Variants in ADTRP observed in about 807,000 individuals in gnomAD.
ADTRP encodes androgen dependent TFPI regulating protein, also known as androgen-dependent TFPI-regulating protein.
A neutral mutation model predicts 27.0 loss-of-function variants in ADTRP; 20 were observed. The ratio of observed to expected loss-of-function variants is 0.74; its 90% CI spans 0.52 to 1.08. The LOEUF (loss-of-function observed/expected upper bound fraction) is 1.08. Among genes scored for constraint, ADTRP ranks in the 50% least tolerant of loss-of-function variants. ADTRP has a pLI of 0.00. For missense variants in ADTRP, 251 were observed against 275.0 expected (o/e 0.91, Z 0.62); for synonymous variants, 101 against 105.2 (o/e 0.96, Z 0.25).
intron 3 of ADTRP, among the ~76,000 whole-genome samples, chr6:11,744,651 A>G (rs186062056): frequency 4.4e-4 from 67 of 152,220 alleles, no homozygotes; most frequent in Non-Finnish European, 7.2e-4. Context: ...CTCTTCATCA[A>G]TCTGTAATTC....
chr6:11,771,192 T>C (rs1763766411), intron 1 of ADTRP, among the ~76,000 whole-genome samples: 1 of 152,092 alleles, frequency 6.6e-6, no homozygotes, highest in Non-Finnish European at 1.5e-5. Context: ...GTCAATCCCC[T>C]CTCCCTCTCC....
intron 1 of ADTRP, among the ~76,000 whole-genome samples, chr6:11,771,465 C>T (rs1204320881): frequency 6.6e-6 from 1 of 152,228 alleles, no homozygotes; most frequent in Non-Finnish European, 1.5e-5. Context: ...GAGAGAGCCT[C>T]TCCCAGGCTC....
At chr6:11,767,901 G>A (rs530359303) in intron 2 of ADTRP, 9 of 200,856 alleles carry the variant, frequency 4.5e-5, no homozygotes, top group East Asian at 2.3e-4. Flanking sequence ...GGGAAAATTC[G>A]TCATCTCCCT....
intron 3 of ADTRP, among the ~76,000 whole-genome samples, chr6:11,765,208 T>C (rs1208717849): frequency 3.9e-5 from 6 of 152,016 alleles, no homozygotes; most frequent in African/African-American, 1.5e-4. Context: ...GAGTTGGTCA[T>C]CTTGTGAGTT....
chr6:11,762,099 C>G (rs552829097), intron 3 of ADTRP, among the ~76,000 whole-genome samples: 2 of 152,332 alleles, frequency 1.3e-5, no homozygotes, highest in South Asian at 4.1e-4. Context: ...ATCTTGCATG[C>G]TATGACTGAG....
Position 11,749,736 on chromosome 6 carries a change from A to G in ADTRP, c.391-14053T>C, listed in dbSNP as rs561023239. On this transcript the variant is annotated intron_variant, in intron 3 of 5. Coordinates refer to ENST00000414691, the MANE Select transcript of ADTRP (RefSeq NM_032744.4). Reference sequence around the variant, plus strand: ...GTGCCCAGAATTTGGTAACATGGAGATAATTGGTGACTAGAATATGATGAA... The same window carrying G: ...GTGCCCAGAATTTGGTAACATGGAGGTAATTGGTGACTAGAATATGATGAA... 9.8e-4 allele frequency among the ~76,000 whole-genome samples: 149 copies of G among 152,294 alleles called. 1 individual carries two copies. The highest frequency in any genetic ancestry group is 3.4e-3 in the African/African-American group (143 of 41,574).
chr6:11,768,319 C>T lies in ADTRP; in HGVS notation c.218G>A (p.Gly73Glu), dbSNP rs1468624213. The change falls in exon 2 of 6, where the codon GGA becomes GAA. Residue 73 changes from glycine to glutamate, a missense_variant. Coordinates refer to ENST00000414691, the MANE Select transcript of ADTRP (RefSeq NM_032744.4). ...GGCAGTTAGGAACTTAATGTCTTTT[C>T]CCCCTTTGGTTCTTTTCAGCACATC... ...LDDVLKRTKG[G>E]KDIKFLTAFR... 1 of 1,614,198 alleles carries T rather than the reference C, an allele frequency of 6.2e-7. No individual in the cohort carries two copies. Among genetic ancestry groups the T allele is most frequent in the Non-Finnish European group, 8.5e-7 (1 of 1,180,018 alleles).
chr6:11,724,425 C>G (rs745465061), intron 4 of ADTRP, among the ~76,000 whole-genome samples: 1 of 152,068 alleles, frequency 6.6e-6, no homozygotes, highest in Admixed American at 6.6e-5. Flanking sequence ...TGCAGGGAGG[C>G]TCAGATCTTG....
At chr6:11,748,881 G>A (rs1762951111) in intron 3 of ADTRP, among the ~76,000 whole-genome samples, 1 of 152,230 alleles carries the variant, frequency 6.6e-6, no homozygotes, top group South Asian at 2.1e-4. Flanking sequence ...ATCTGTGTCT[G>A]CAGCATTAAG....
intron 3 of ADTRP, among the ~76,000 whole-genome samples, chr6:11,762,547 G>A (rs978208518): frequency 6.6e-6 from 1 of 152,162 alleles, no homozygotes; most frequent in Non-Finnish European, 1.5e-5. Flanking sequence ...GGAAGGTCCT[G>A]TCTCTCAATA....
intron 1 of ADTRP, among the ~76,000 whole-genome samples, chr6:11,777,487 T>TTTG (rs35676270): frequency 0.79 from 120,012 of 151,586 alleles, 48,052 homozygotes; most frequent in Non-Finnish European, 0.85. Flanking sequence ...TGTGTGGTTT[T>TTTG]TTGTTGTTGT....
intron 5 of ADTRP, chr6:11,717,269 A>T (rs574995785): frequency 9.2e-6 from 12 of 1,301,372 alleles, no homozygotes; most frequent in Admixed American, 2.3e-5. Flanking sequence ...GTCAGATAGT[A>T]GCAAGGGCTA....
At chr6:11,772,251 C>T (rs1182836484) in intron 1 of ADTRP, among the ~76,000 whole-genome samples, 2 of 152,202 alleles carry the variant, frequency 1.3e-5, no homozygotes, top group African/African-American at 2.4e-5. Context: ...CTTCTGAGTT[C>T]GTTAGCTGTC....
intron 1 of ADTRP, among the ~76,000 whole-genome samples, chr6:11,775,904 A>G (rs948241822): frequency 1.3e-5 from 2 of 152,236 alleles, no homozygotes; most frequent in Non-Finnish European, 2.9e-5. Flanking sequence ...AGGACTGGAT[A>G]CTAACTTCCC....
chr6:11,736,927 C>T lies in ADTRP; in HGVS notation c.391-1244G>A, dbSNP rs1303498608. 2.6e-5 allele frequency among the ~76,000 whole-genome samples: 4 copies of T among 152,068 alleles called. No homozygotes were observed. In the East Asian group the frequency reaches 7.7e-4, roughly 29 times the overall value. ...AGCCTCCCTCTGAAACCCCTATGTC[C>T]TCCCCCTCCTTCCCTGCATCACCCC... On this transcript the variant is annotated intron_variant, in intron 3 of 5. Transcript: ENST00000414691.
chr6:11,743,296 C>T (rs1561756158), intron 3 of ADTRP, among the ~76,000 whole-genome samples: 2 of 152,218 alleles, frequency 1.3e-5, no homozygotes, highest in African/African-American at 4.8e-5. Flanking sequence ...CCTTAACACA[C>T]ATTTTGACTC....
intron 3 of ADTRP, among the ~76,000 whole-genome samples, chr6:11,765,698 C>T (rs546987084): frequency 1.7e-4 from 26 of 151,918 alleles, no homozygotes; most frequent in African/African-American, 6.3e-4. Context: ...TGTTTGGGTC[C>T]CTGTTACTGA....
intron 3 of ADTRP, among the ~76,000 whole-genome samples, chr6:11,737,758 A>T (rs930734547): frequency 1.4e-4 from 21 of 152,194 alleles, no homozygotes; most frequent in Non-Finnish European, 2.8e-4. Context: ...AACGATGCCT[A>T]GAGGAACAGC....
At chr6:11,716,732 T>TG (rs1430913323) in intron 5 of ADTRP, among the ~76,000 whole-genome samples, 1 of 150,330 alleles carries the variant, frequency 6.7e-6, no homozygotes, top group African/African-American at 2.4e-5. Flanking sequence ...TTTTTTTTTT[T>TG]GAGACAGGGT....
Sources: gnomAD v4.1 joint callset for allele counts (sites outside exome capture counted in the v4.1 genomes callset) on GRCh38, gnomAD v4.1.1 for gene constraint, MANE v1.5 for transcripts, NCBI Gene and HGNC (gene_info 2026-07-23, HGNC 2026-07-21) for gene names.